ITGA9: variants seen among roughly 807,000 people sequenced by gnomAD.
ITGA9 encodes integrin alpha-9.
A neutral mutation model predicts 127.8 loss-of-function variants in ITGA9; 56 were observed. The ratio of observed to expected loss-of-function variants is 0.44; its 90% CI spans 0.35 to 0.55. The LOEUF (loss-of-function observed/expected upper bound fraction) is 0.55, where lower values mean the gene tolerates loss of function less well. Among genes scored for constraint, ITGA9 ranks in the 20% least tolerant of loss-of-function variants. The probability of loss-of-function intolerance (pLI) is 0.00; values close to 1 mark genes in which losing one functional copy is unlikely to be tolerated. For missense variants in ITGA9, 1,196 were observed against 1,347.1 expected (o/e 0.89, Z 1.76); for synonymous variants, 508 against 514.5 (o/e 0.99, Z 0.17).
At chr3:37,501,815 G>A (rs1698789595) in intron 5 of ITGA9, among the ~76,000 whole-genome samples, 1 of 152,206 alleles carries the variant, frequency 6.6e-6, no homozygotes, top group Non-Finnish European at 1.5e-5. Context: ...GAGTTCCGAA[G>A]ACCAGAATTA....
intron 15 of ITGA9, among the ~76,000 whole-genome samples, chr3:37,571,746 G>A (rs560443291): frequency 4.6e-5 from 7 of 152,148 alleles, no homozygotes; most frequent in Admixed American, 1.3e-4. Context: ...GAGGGAATCC[G>A]CTTTCTGCTT....
chr3:37,453,443 C>T (rs2125543676), intron 1 of ITGA9, among the ~76,000 whole-genome samples: 1 of 152,306 alleles, frequency 6.6e-6, no homozygotes, highest in African/African-American at 2.4e-5. Context: ...TGCCCAACCC[C>T]AGCAGAGAAG....
At chr3:37,700,886 A>G (rs1315896484) in intron 18 of ITGA9, among the ~76,000 whole-genome samples, 1 of 152,236 alleles carries the variant, frequency 6.6e-6, no homozygotes, top group Admixed American at 6.5e-5. Context: ...GGGTTTGGAG[A>G]AAAATGCTAA....
At chr3:37,529,396 G>A (rs747885212) in intron 13 of ITGA9, among the ~76,000 whole-genome samples, 1 of 152,068 alleles carries the variant, frequency 6.6e-6, no homozygotes, top group Non-Finnish European at 1.5e-5. Flanking sequence ...GAGGTGGCAG[G>A]GGGAGGTCAG....
At chr3:37,556,345 T>C (rs570255543) in intron 15 of ITGA9, among the ~76,000 whole-genome samples, 1 of 152,324 alleles carries the variant, frequency 6.6e-6, no homozygotes, top group African/African-American at 2.4e-5. Flanking sequence ...GCCTCTGCAT[T>C]TGGAAGGGGT....
chr3:37,633,711 G>A (rs1354204690), intron 16 of ITGA9, among the ~76,000 whole-genome samples: 1 of 152,148 alleles, frequency 6.6e-6, no homozygotes, highest in Non-Finnish European at 1.5e-5. Flanking sequence ...AGCCACTGCG[G>A]TATTAACACT....
Position 37,523,580 on chromosome 3 carries a change from A to G in ITGA9, c.1296A>G (p.Gly432=). Residue 432 remains glycine, a synonymous_variant, in exon 12 of 28, where the codon GGA becomes GGG. Coordinates refer to ENST00000264741, the MANE Select transcript of ITGA9 (RefSeq NM_002207.3). ...VLRMFGQSIS[G]GIDMDGNGYP... Reference sequence around the variant, plus strand: ...GGATGTTTGGTCAGTCCATATCGGGAGGCATTGATATGGATGGAAATGGCT... The same window carrying G: ...GGATGTTTGGTCAGTCCATATCGGGGGGCATTGATATGGATGGAAATGGCT... The G allele has an allele frequency of 6.2e-7, 1 of 1,613,768 alleles. No homozygotes were observed. The highest frequency in any genetic ancestry group is 2.2e-5 in the East Asian group (1 of 44,864).
chr3:37,547,244 A>T (rs1358927233), intron 15 of ITGA9, among the ~76,000 whole-genome samples: 4 of 152,250 alleles, frequency 2.6e-5, no homozygotes, highest in African/African-American at 9.6e-5. Flanking sequence ...CTTTTCTGAG[A>T]AGCTGCAGAT....
intron 1 of ITGA9, among the ~76,000 whole-genome samples, chr3:37,469,482 G>C (rs563857328): frequency 6.6e-6 from 1 of 152,290 alleles, no homozygotes; most frequent in South Asian, 2.1e-4. Context: ...ATCCAGGAAA[G>C]TGTCCATATC....
intron 18 of ITGA9, among the ~76,000 whole-genome samples, chr3:37,711,111 C>T (rs1330446749): frequency 6.6e-6 from 1 of 152,124 alleles, no homozygotes; most frequent in Non-Finnish European, 1.5e-5. Flanking sequence ...CCCTTGTGGC[C>T]CCTCGCTTGG....
chr3:37,737,510 G>A (rs1031246997), intron 20 of ITGA9, among the ~76,000 whole-genome samples: 1 of 152,174 alleles, frequency 6.6e-6, no homozygotes, highest in African/African-American at 2.4e-5. Context: ...AAAGGGGATC[G>A]TGGGGTGGCA....
intron 15 of ITGA9, among the ~76,000 whole-genome samples, chr3:37,628,069 CAG>C (rs1700193523): frequency 6.6e-6 from 1 of 152,208 alleles, no homozygotes. Context: ...AAACTTCACA[CAG>C]AGAGTAGTAT....
chr3:37,536,249 T>G (rs1340505528), intron 14 of ITGA9, among the ~76,000 whole-genome samples: 1 of 152,244 alleles, frequency 6.6e-6, no homozygotes, highest in Non-Finnish European at 1.5e-5. Flanking sequence ...CTACTCTTTG[T>G]GCTGGCAGCT....
chr3:37,517,459 T>G, intron 9 of ITGA9, 45 bp from the exon 10 acceptor site: 1 of 1,359,624 alleles, frequency 7.4e-7, no homozygotes, highest in Non-Finnish European at 1.0e-6. Flanking sequence ...TTGTTCTGTT[T>G]GTTTTTGTTT....
intron 15 of ITGA9, among the ~76,000 whole-genome samples, chr3:37,608,604 G>A (rs903347958): frequency 6.6e-6 from 1 of 152,170 alleles, no homozygotes; most frequent in Non-Finnish European, 1.5e-5. Flanking sequence ...TTTTAGATGA[G>A]TTTGTCCTCA....
At chr3:37,479,480 G>A (rs1698529272) in intron 3 of ITGA9, among the ~76,000 whole-genome samples, 1 of 152,200 alleles carries the variant, frequency 6.6e-6, no homozygotes, top group African/African-American at 2.4e-5. Context: ...GGCCTTGGTG[G>A]CAGTGGCTTG....
intron 18 of ITGA9, among the ~76,000 whole-genome samples, chr3:37,717,772 G>C (rs1257535397): frequency 6.6e-6 from 1 of 152,204 alleles, no homozygotes. Context: ...TGCAAATGAT[G>C]AGCTAATTTT....
intron 17 of ITGA9, among the ~76,000 whole-genome samples, chr3:37,665,999 G>A (rs1700582573): frequency 6.6e-6 from 1 of 152,166 alleles, no homozygotes; most frequent in South Asian, 2.1e-4. Flanking sequence ...ACAATGCTAC[G>A]GTGTTCATTC....
chr3:37,677,522 A>C (rs1700694870), intron 17 of ITGA9, among the ~76,000 whole-genome samples: 1 of 152,240 alleles, frequency 6.6e-6, no homozygotes, highest in Admixed American at 6.5e-5. Context: ...CAGTATTCTA[A>C]AATATTCTAA....
Sources: allele counts gnomAD v4.1 joint callset (sites outside exome capture counted in the v4.1 genomes callset), GRCh38; gene constraint gnomAD v4.1.1; transcripts MANE v1.5; gene names NCBI Gene and HGNC (gene_info 2026-07-23, HGNC 2026-07-21).